PPP2R5C: variants seen among roughly 807,000 people sequenced by gnomAD.
The protein encoded by PPP2R5C is protein phosphatase 2 regulatory subunit B'gamma, also known as serine/threonine-protein phosphatase 2A 56 kDa regulatory subunit gamma isoform.
Under a neutral mutation model 68.9 loss-of-function variants are expected in PPP2R5C, and 7 were observed. The ratio of observed to expected loss-of-function variants is 0.10; its 90% CI spans 0.06 to 0.19. The LOEUF is 0.19. PPP2R5C is among the 10% of genes least tolerant of loss of function. The probability of loss-of-function intolerance (pLI) is 1.00; values close to 1 mark genes in which losing one functional copy is unlikely to be tolerated. For synonymous variants in PPP2R5C, 210 were observed against 222.2 expected (o/e 0.95, Z 0.49); for missense variants, 348 against 641.3 (o/e 0.54, Z 4.94).
At chr14:101,881,787 A>T (rs140264247) in intron 2 of PPP2R5C, among the ~76,000 whole-genome samples, 2 of 152,300 alleles carry the variant, frequency 1.3e-5, no homozygotes, top group African/African-American at 4.8e-5. Flanking sequence ...GTCTTTCGTC[A>T]TCTCATCCCT....
At position 101,916,656 on chromosome 14, in the gene PPP2R5C, G is replaced by A. The variant is rs558592706; in HGVS notation, c.1327-1175G>A. On this transcript the variant is annotated intron_variant, in intron 12 of 13. Transcript: ENST00000334743. This position sits in a 1 kb window ranked among gnomAD's most constrained non-coding sequence, Gnocchi z 5.5. ...CAGAGGATGAGGGCCAACACCAGAC[G>A]GTGGCTGAGAACGGAGCTGCTCTGG... Among the ~76,000 whole-genome samples the A allele has an allele frequency of 2.6e-5, 4 of 151,774 alleles. No individual in the cohort carries two copies. The highest frequency in any genetic ancestry group is 2.1e-4 in the South Asian group (1 of 4,784).
chr14:101,803,666 G>T (rs948961614), intron 3 of PPP2R5C, among the ~76,000 whole-genome samples: 6 of 151,822 alleles, frequency 4.0e-5, no homozygotes, highest in Non-Finnish European at 8.8e-5. Flanking sequence ...GGAGGTTGCA[G>T]CGAGCAGACA....
In PPP2R5C at chr14:101,899,635, A is replaced by T. The variant is rs2141015360; in HGVS notation, c.853-2084A>T. Among the ~76,000 whole-genome samples, 1 of 152,372 alleles carries T rather than the reference A, an allele frequency of 6.6e-6. No individual in the cohort carries two copies. The highest frequency in any genetic ancestry group is 1.9e-4 in the East Asian group (1 of 5,190). ...GGTTGTGTTGTATAGTTCACAAATT[A>T]ACATATTTCTCCTAATAAAATTCCA... On this transcript the variant is annotated intron_variant, in intron 8 of 13. Coordinates refer to ENST00000334743, the Ensembl canonical transcript of PPP2R5C. This position sits in a 1 kb window ranked among gnomAD's most constrained non-coding sequence, Gnocchi z 4.2.
intron 2 of PPP2R5C, among the ~76,000 whole-genome samples, chr14:101,763,341 C>T (rs1486399397): frequency 6.6e-6 from 1 of 151,314 alleles, no homozygotes; most frequent in African/African-American, 2.4e-5. Flanking sequence ...TTACCTCAGC[C>T]TCCCAAGTAG....
At chr14:101,811,433 C>T (rs980150750) in intron 1 of PPP2R5C, among the ~76,000 whole-genome samples, 2 of 152,144 alleles carry the variant, frequency 1.3e-5, no homozygotes, top group African/African-American at 2.4e-5. Flanking sequence ...CTCCACCTCC[C>T]GAGCTCAGGT....
chr14:101,821,290 G>T (rs1285956399), intron 1 of PPP2R5C, among the ~76,000 whole-genome samples: 1 of 151,526 alleles, frequency 6.6e-6, no homozygotes, highest in African/African-American at 2.4e-5. Flanking sequence ...ATGTGAATAC[G>T]GCCCCATTTA....
At chr14:101,760,674 C>A, upstream of PPP2R5C, 1 of 332,500 alleles carries the variant, frequency 3.0e-6, no homozygotes, top group Non-Finnish European at 3.3e-6. Flanking sequence ...CAGGGAGGGG[C>A]GGGCTGTCGG....
chr14:101,904,154 G>T (rs1266747091), intron 9 of PPP2R5C, among the ~76,000 whole-genome samples: 1 of 152,102 alleles, frequency 6.6e-6, no homozygotes, highest in African/African-American at 2.4e-5. Flanking sequence ...GGATGGTTTT[G>T]TTTTTGGTTT....
rs186776024 is a variant in PPP2R5C at position 101,835,847 on chromosome 14, C to T, written c.95-20839C>T. ...AGGCATCAGCACGGTCCCATCTGAG[C>T]GTCGCCTTAACCTCTCTGTAGACCT... On this transcript the variant is annotated intron_variant, in intron 1 of 13. Coordinates refer to ENST00000334743, the Ensembl canonical transcript of PPP2R5C. This position sits in a 1 kb window ranked among gnomAD's most constrained non-coding sequence, Gnocchi z 5.0. 4.9e-4 allele frequency among the ~76,000 whole-genome samples: 74 copies of T among 152,342 alleles called. 1 individual carries two copies. In the Middle Eastern group the frequency reaches 0.014, roughly 28 times the overall value.
chr14:101,848,579 G>A (rs557864234), intron 1 of PPP2R5C, among the ~76,000 whole-genome samples: 17 of 152,194 alleles, frequency 1.1e-4, no homozygotes, highest in Non-Finnish European at 2.2e-4. Flanking sequence ...TTGGGATTTC[G>A]TGAGTGCGAG....
At chr14:101,817,340 G>T (rs78571641) in intron 1 of PPP2R5C, among the ~76,000 whole-genome samples, 18,129 of 152,070 alleles carry the variant, frequency 0.12, 1,169 homozygotes, top group Admixed American at 0.16. Flanking sequence ...TTTAAAAAGG[G>T]TCTGCTTTGG....
chr14:101,763,544 G>A lies in PPP2R5C; in HGVS notation c.93+574G>A, dbSNP rs547689404. 9.2e-5 allele frequency among the ~76,000 whole-genome samples: 14 copies of A among 152,126 alleles called. No homozygotes were observed. In the East Asian group the frequency reaches 2.1e-3, roughly 23 times the overall value. ...ATTACAGGCACCCGCTACCACGCCC[G>A]GCTAATTTTTGTATTTTTATTAGAG... On this transcript the variant is annotated intron_variant, in intron 2 of 14. Transcript: ENST00000328724.
chr14:101,787,317 C>G (rs751743644), intron 3 of PPP2R5C, among the ~76,000 whole-genome samples: 1 of 152,090 alleles, frequency 6.6e-6, no homozygotes, highest in Non-Finnish European at 1.5e-5. Context: ...AGCTGTATTC[C>G]CAGGCTTTCC....
At chr14:101,859,362 G>A (rs1381814542) in intron 2 of PPP2R5C, among the ~76,000 whole-genome samples, 1 of 152,260 alleles carries the variant, frequency 6.6e-6, no homozygotes, top group Non-Finnish European at 1.5e-5. Flanking sequence ...GCGGGAAGAA[G>A]GCGCAGAGTG....
chr14:101,771,615 C>A (rs1213312497), intron 2 of PPP2R5C, among the ~76,000 whole-genome samples: 1 of 151,970 alleles, frequency 6.6e-6, no homozygotes, highest in Non-Finnish European at 1.5e-5. Context: ...GTAATCCCAG[C>A]TACTCGGGAG....
rs151069590 is a variant in PPP2R5C, at chr14:101,906,889, A to G, written c.1151+360A>G. Among the ~76,000 whole-genome samples, 2,805 of 152,192 alleles carry G rather than the reference A, an allele frequency of 0.018. 39 individuals carry two copies. Among genetic ancestry groups the G allele is most frequent in the Non-Finnish European group, 0.027 (1,837 of 67,986 alleles). On this transcript the variant is annotated intron_variant, in intron 10 of 13. Coordinates refer to ENST00000334743, the Ensembl canonical transcript of PPP2R5C. This position sits in a 1 kb window ranked among gnomAD's most constrained non-coding sequence, Gnocchi z 4.0. Reference sequence around the variant, plus strand: ...TGGCCACTGCATTCTCGGGGTGTCTATTGAGCTCTGCTGACATGCACCCTG... The same window carrying G: ...TGGCCACTGCATTCTCGGGGTGTCTGTTGAGCTCTGCTGACATGCACCCTG...
chr14:101,820,629 C>A (rs1448900284), intron 1 of PPP2R5C: 1 of 152,216 alleles, frequency 6.6e-6, no homozygotes, highest in African/African-American at 2.4e-5. Context: ...TCCCACCAGA[C>A]GTGTCTGTCT....
chr14:101,838,599 C>T (rs1236673836), intron 1 of PPP2R5C, among the ~76,000 whole-genome samples: 2 of 152,256 alleles, frequency 1.3e-5, no homozygotes. Context: ...TTGTCCCCCT[C>T]GCCCCAGGAG....
chr14:101,827,980 G>A (rs924062077), intron 1 of PPP2R5C, among the ~76,000 whole-genome samples: 3 of 151,938 alleles, frequency 2.0e-5, no homozygotes, highest in Admixed American at 6.6e-5. Flanking sequence ...GATCTTATTT[G>A]TATGTTAGGA....
Sources: gnomAD v4.1 joint callset for allele counts (sites outside exome capture counted in the v4.1 genomes callset) on GRCh38, gnomAD v4.1.1 for gene constraint, Gnocchi (gnomAD v3.1) non-coding constraint, MANE v1.5 for transcripts, NCBI Gene and HGNC (gene_info 2026-07-23, HGNC 2026-07-21) for gene names.